The following MYO16 variants were observed in gnomAD, a reference collection of about 807,000 sequenced individuals.
The protein encoded by MYO16 is myosin XVI.
In MYO16, 94 loss-of-function variants were observed where a neutral mutation model predicts 205.3. The observed-to-expected ratio is 0.46, with a 90% CI of 0.39 to 0.54. MYO16 has a LOEUF of 0.54. MYO16 is among the 20% of genes least tolerant of loss of function. The pLI is 0.00. For missense variants in MYO16, 2,315 were observed against 2,387.5 expected (o/e 0.97, Z 0.63); for synonymous variants, 988 against 954.0 (o/e 1.04, Z -0.66).
chr13:108,656,768 A>G (rs1881263713), intron 1 of MYO16, among the ~76,000 whole-genome samples: 1 of 152,236 alleles, frequency 6.6e-6, no homozygotes. Context: ...ATTCATGCCC[A>G]TAATAGATTC....
At chr13:109,011,498 C>CTTTTTTTTTTTTTTTTTTTTTT (rs34575828) in intron 22 of MYO16, among the ~76,000 whole-genome samples, 20 of 129,942 alleles carry the variant, frequency 1.5e-4, no homozygotes, top group South Asian at 2.5e-4. Flanking sequence ...TTCTTCCTTT[C>CTTTTTTTTTTTTTTTTTTTTTT]TTTTTTTTTT....
At chr13:108,596,885 A>G (rs902603875) in intron 1 of MYO16, among the ~76,000 whole-genome samples, 24 of 152,224 alleles carry the variant, frequency 1.6e-4, no homozygotes, top group African/African-American at 5.5e-4. Context: ...TGTTAGCTAG[A>G]TCAGCAGGGT....
chr13:108,686,600 A>C (rs1012789852), intron 2 of MYO16, among the ~76,000 whole-genome samples: 1 of 152,206 alleles, frequency 6.6e-6, no homozygotes, highest in Non-Finnish European at 1.5e-5. Flanking sequence ...TCACAAAAAG[A>C]GACAGGCAAT....
At chr13:108,688,630 A>C (rs1271749076) in intron 2 of MYO16, among the ~76,000 whole-genome samples, 1 of 152,164 alleles carries the variant, frequency 6.6e-6, no homozygotes, top group Non-Finnish European at 1.5e-5. Flanking sequence ...TGTTATTTTC[A>C]GTGCCAAAGT....
chr13:108,634,020 CCCCCTTTCCAGCATGTCTGT>C, intron 1 of MYO16, among the ~76,000 whole-genome samples: 1 of 152,280 alleles, frequency 6.6e-6, no homozygotes, highest in East Asian at 1.9e-4. Context: ...AAGGTGGAAC[CCCCCTTTCCAGCATGTCTGT>C]CCTTGCCCCA....
intron 2 of MYO16, among the ~76,000 whole-genome samples, chr13:108,686,599 G>A (rs1413892226): frequency 6.6e-6 from 1 of 152,188 alleles, no homozygotes; most frequent in African/African-American, 2.4e-5. Context: ...GTCACAAAAA[G>A]AGACAGGCAA....
chr13:108,903,644 A>C (rs999905302), intron 15 of MYO16, among the ~76,000 whole-genome samples: 2 of 152,340 alleles, frequency 1.3e-5, no homozygotes, highest in South Asian at 4.1e-4. Flanking sequence ...AAAAATAGGC[A>C]CTGAACACTT....
chr13:109,185,017 TG>T lies in MYO16; in HGVS notation c.5415+5385del, dbSNP rs1373378436. Among the ~76,000 whole-genome samples the T allele has an allele frequency of 2.0e-5, 3 of 152,146 alleles. No homozygotes were observed. The East Asian group carries it at 5.8e-4, about 29-fold the overall frequency. On this transcript the variant is annotated intron_variant, in intron 34 of 34. Coordinates refer to ENST00000457511, the MANE Select transcript of MYO16 (RefSeq NM_001198950.3). ...CTCAAACTCCTGACCTCAAATGATT[TG>T]CCCCCCTCCCTCCCAAAGTGTTATT...
upstream of MYO16, among the ~76,000 whole-genome samples, chr13:108,626,151 A>G (rs1879726725): frequency 1.3e-5 from 2 of 152,198 alleles, no homozygotes; most frequent in Non-Finnish European, 1.5e-5. Flanking sequence ...TAATAATGCT[A>G]ACATTTAAGA....
At chr13:108,797,326 C>T (rs1404083869) in intron 6 of MYO16, among the ~76,000 whole-genome samples, 1 of 152,146 alleles carries the variant, frequency 6.6e-6, no homozygotes, top group Non-Finnish European at 1.5e-5. Context: ...ATTTGAGGAA[C>T]ATTAGCATAT....
the MYO16 span, among the ~76,000 whole-genome samples, chr13:108,589,570 C>CA: frequency 6.6e-6 from 1 of 152,094 alleles, no homozygotes; most frequent in South Asian, 2.1e-4. Context: ...GTCTTCAATC[C>CA]AAAAAAGAAA....
chr13:108,906,507 T>C (rs1880986563), intron 15 of MYO16, among the ~76,000 whole-genome samples: 2 of 152,206 alleles, frequency 1.3e-5, no homozygotes, highest in African/African-American at 4.8e-5. Context: ...TCATCTTTGT[T>C]ACCATCATCA....
At chr13:109,181,816 A>ATTTATTTT (rs1235332045) in intron 34 of MYO16, among the ~76,000 whole-genome samples, 1 of 126,262 alleles carries the variant, frequency 7.9e-6, no homozygotes, top group African/African-American at 3.5e-5. Context: ...TTATTTATTT[A>ATTTATTTT]TTTTATTTTA....
At chr13:108,716,751 T>C (rs1240918641) in intron 3 of MYO16, among the ~76,000 whole-genome samples, 1 of 152,122 alleles carries the variant, frequency 6.6e-6, no homozygotes, top group Admixed American at 6.5e-5. Context: ...AGAATGCGAG[T>C]GTGGGCATCA....
At chr13:109,065,769 C>T (rs1887729706) in intron 27 of MYO16, among the ~76,000 whole-genome samples, 1 of 152,196 alleles carries the variant, frequency 6.6e-6, no homozygotes, top group East Asian at 1.9e-4. Context: ...GAGGAACAAA[C>T]ATCGGAGTCT....
intron 4 of MYO16, among the ~76,000 whole-genome samples, chr13:108,748,906 C>T (rs4771598): frequency 0.45 from 68,113 of 151,732 alleles, 15,416 homozygotes; most frequent in East Asian, 0.55. Context: ...TAGGTGACCT[C>T]TGATTTGGTG....
chr13:109,083,244 G>A (rs963721954), intron 27 of MYO16, among the ~76,000 whole-genome samples: 1 of 151,500 alleles, frequency 6.6e-6, no homozygotes, highest in East Asian at 2.0e-4. Context: ...TTAGCTGGAC[G>A]TGGTGGTGGG....
intron 34 of MYO16, among the ~76,000 whole-genome samples, chr13:109,202,540 C>T (rs628464): frequency 1.4e-4 from 22 of 152,058 alleles, no homozygotes; most frequent in Admixed American, 3.3e-4. Flanking sequence ...TAGCCCACTT[C>T]GAAAGAAATT....
At chr13:109,139,196 G>A (rs996536001) in intron 31 of MYO16, among the ~76,000 whole-genome samples, 5 of 152,116 alleles carry the variant, frequency 3.3e-5, no homozygotes, top group South Asian at 2.1e-4. Context: ...CTCATGATCC[G>A]ACTACCTCGG....
Sources: allele counts gnomAD v4.1 joint callset (sites outside exome capture counted in the v4.1 genomes callset), GRCh38; gene constraint gnomAD v4.1.1; transcripts MANE v1.5; gene names NCBI Gene and HGNC (gene_info 2026-07-23, HGNC 2026-07-21).